CDH4: variants seen among roughly 807,000 people sequenced by gnomAD.
CDH4 encodes cadherin 4, also known as cadherin-4.
CDH4 carries 33 observed loss-of-function variants against 86.0 expected under a neutral mutation model. That is an observed-to-expected ratio of 0.38 (90% CI 0.29 to 0.51). The LOEUF (loss-of-function observed/expected upper bound fraction) is 0.51, where lower values mean the gene tolerates loss of function less well. Among genes scored for constraint, CDH4 ranks in the 20% least tolerant of loss-of-function variants. The pLI, the probability that CDH4 is intolerant of heterozygous loss-of-function variation, is 0.86. For missense variants in CDH4, 1,114 were observed against 1,307.4 expected (o/e 0.85, Z 2.28); for synonymous variants, 555 against 549.4 (o/e 1.01, Z -0.14).
rs373101937 is a variant in CDH4, at chr20:61,929,772, C to T, written c.2169C>T (p.Gly723=). The change falls in exon 13 of 16, where the codon GGC becomes GGT. Residue 723 remains glycine, a synonymous_variant. Transcript: ENST00000614565. ...CDDNGDCTTI[G]AVAAAGLGTG... ...ACAACGGGGACTGCACCACCATTGG[C>T]GCAGTGGCAGCGGCTGGTCTGGGCA... 63 of 1,614,004 alleles carry T rather than the reference C, an allele frequency of 3.9e-5. No individual in the cohort carries two copies. In the Admixed American group the frequency reaches 7.0e-4, roughly 18 times the overall value.
At chr20:61,607,495 G>A (rs2427179) in intron 2 of CDH4, among the ~76,000 whole-genome samples, 41,309 of 152,052 alleles carry the variant, frequency 0.27, 5,961 homozygotes, top group African/African-American at 0.36. Context: ...ACACATTAGT[G>A]CAGAAAGAGG....
intron 2 of CDH4, among the ~76,000 whole-genome samples, chr20:61,564,894 C>T (rs2086252807): frequency 6.6e-6 from 1 of 152,188 alleles, no homozygotes; most frequent in Non-Finnish European, 1.5e-5. Flanking sequence ...TGTAAATCCA[C>T]AGCATTCACT....
intron 2 of CDH4, among the ~76,000 whole-genome samples, chr20:61,547,731 T>A (rs1180978109): frequency 6.6e-6 from 1 of 152,232 alleles, no homozygotes; most frequent in African/African-American, 2.4e-5. Context: ...TTTTCCCACC[T>A]GAGGCTGCCT....
intron 5 of CDH4, among the ~76,000 whole-genome samples, chr20:61,850,672 C>T (rs200640875): frequency 2.0e-5 from 3 of 152,248 alleles, no homozygotes; most frequent in Non-Finnish European, 4.4e-5. Context: ...GAAATGCACT[C>T]TGCGCCTGAC....
intron 2 of CDH4, among the ~76,000 whole-genome samples, chr20:61,404,490 C>T (rs774587728): frequency 2.3e-4 from 35 of 152,082 alleles, no homozygotes; most frequent in Non-Finnish European, 3.2e-4. Context: ...CACCTGGCTC[C>T]GGCCCGAGGC....
intron 2 of CDH4, among the ~76,000 whole-genome samples, chr20:61,514,471 T>G (rs2085804091): frequency 6.6e-6 from 1 of 152,170 alleles, no homozygotes; most frequent in Non-Finnish European, 1.5e-5. Context: ...CTAACTTCCT[T>G]GGGGGGCTCT....
rs577099483 is a variant in CDH4, at chr20:61,373,229, C to A, written c.169+118292C>A. 1.2e-4 allele frequency among the ~76,000 whole-genome samples: 19 copies of A among 152,136 alleles called. No individual in the cohort carries two copies. In the South Asian group the frequency reaches 3.9e-3, roughly 32 times the overall value. On this transcript the variant is annotated intron_variant, in intron 2 of 15. Transcript: ENST00000614565. ...CCGGCCCCGTAGCCTGGAACAACAC[C>A]CTGTGTCCTGTGCCCTGGGCCGTCA...
At chr20:61,561,827 A>G (rs1039326060) in intron 2 of CDH4, among the ~76,000 whole-genome samples, 2 of 152,240 alleles carry the variant, frequency 1.3e-5, no homozygotes, top group African/African-American at 4.8e-5. Flanking sequence ...AAAACAACCC[A>G]CAAAGGTTTA....
intron 2 of CDH4, among the ~76,000 whole-genome samples, chr20:61,574,022 C>T (rs956921863): frequency 1.3e-5 from 2 of 152,182 alleles, no homozygotes; most frequent in Non-Finnish European, 1.5e-5. Flanking sequence ...CCAGAAGCCC[C>T]ACGGGCCTGC....
rs538890628 is a variant in CDH4, at chr20:61,514,900, G to A, written c.170-228663G>A. ...GGCACCTGGGCGGCAGCCATGGGGT[G>A]GGGGGAAGGGCCCAGGACCTCCCTG... On this transcript the variant is annotated intron_variant, in intron 2 of 15. Transcript: ENST00000614565. 3.3e-5 allele frequency among the ~76,000 whole-genome samples: 5 copies of A among 152,296 alleles called. No individual in the cohort carries two copies. In the South Asian group the frequency reaches 8.3e-4, roughly 25 times the overall value.
At chr20:61,911,252 CTTTGATGGT>C (rs1280112368) in intron 9 of CDH4, among the ~76,000 whole-genome samples, 1 of 152,136 alleles carries the variant, frequency 6.6e-6, no homozygotes, top group Non-Finnish European at 1.5e-5. Flanking sequence ...GGTTCAATTT[CTTTGATGGT>C]TTTGGTCAGA....
intron 4 of CDH4, among the ~76,000 whole-genome samples, chr20:61,790,343 A>C (rs111064958): frequency 0.27 from 40,512 of 150,482 alleles, 5,876 homozygotes; most frequent in East Asian, 0.37. Context: ...CCATTCATCC[A>C]TTTGTCTCTT....
At position 61,383,744 on chromosome 20, in the gene CDH4, AAGATATATGC is replaced by A. The variant is rs1568823312; in HGVS notation, c.169+128809_169+128818del. Among the ~76,000 whole-genome samples the A allele has an allele frequency of 3.6e-4, 49 of 137,906 alleles. 1 individual carries two copies. The highest frequency in any genetic ancestry group is 2.2e-3 in the Admixed American group (28 of 12,938). The allele number at this position is 137,906 out of a possible 152,430, so 90.5% of individuals were successfully genotyped here. ...GATATATAAATATATGATATATATG[AAGATATATGC>A]ATATATATGAAGATATATATGCATA... On this transcript the variant is annotated intron_variant, in intron 2 of 15. Coordinates refer to ENST00000614565, the MANE Select transcript of CDH4 (RefSeq NM_001794.5).
At chr20:61,533,680 T>C (rs1442414932) in intron 2 of CDH4, among the ~76,000 whole-genome samples, 2 of 152,240 alleles carry the variant, frequency 1.3e-5, no homozygotes, top group Non-Finnish European at 2.9e-5. Flanking sequence ...GCTTCATGGT[T>C]GCACAGGTGC....
In CDH4 at chr20:61,810,981, G is replaced by A. The variant is rs1462999152; in HGVS notation, c.577-33687G>A. ...TGCAAATGATGCTGCATTTGTAACG[G>A]GAGCTAGAAAGGAATCAGTCAAACG... is the stretch of plus-strand genomic sequence containing the variant. On this transcript the variant is annotated intron_variant, in intron 4 of 15. Transcript: ENST00000614565. This position sits in a 1 kb window ranked among gnomAD's most constrained non-coding sequence, Gnocchi z 4.3. 6.6e-6 allele frequency among the ~76,000 whole-genome samples: 1 copy of A among 152,210 alleles called. No homozygotes were observed. Among genetic ancestry groups the A allele is most frequent in the South Asian group, 2.1e-4 (1 of 4,832 alleles).
At chr20:61,486,065 A>G (rs2085594835) in intron 2 of CDH4, among the ~76,000 whole-genome samples, 1 of 152,224 alleles carries the variant, frequency 6.6e-6, no homozygotes, top group Non-Finnish European at 1.5e-5. Flanking sequence ...ATTGGCCCGC[A>G]TAGGTGAGCC....
chr20:61,686,975 G>A (rs1470394496), intron 2 of CDH4, among the ~76,000 whole-genome samples: 1 of 141,772 alleles, frequency 7.1e-6, no homozygotes, highest in Non-Finnish European at 1.5e-5. Context: ...CCCCCGACTA[G>A]CAAGGTGTTT....
intron 2 of CDH4, among the ~76,000 whole-genome samples, chr20:61,585,664 AT>A (rs1568698344): frequency 1.4e-5 from 2 of 147,914 alleles, no homozygotes; most frequent in African/African-American, 5.0e-5. Flanking sequence ...GGTGATGGTG[AT>A]TGTGATGGTG....
intron 7 of CDH4, among the ~76,000 whole-genome samples, chr20:61,885,904 T>A (rs916879391): frequency 1.3e-5 from 2 of 151,990 alleles, no homozygotes; most frequent in African/African-American, 4.8e-5. Context: ...GGAAGGCCCT[T>A]GGGGAGTGTG....
Sources: allele counts gnomAD v4.1 joint callset (sites outside exome capture counted in the v4.1 genomes callset), GRCh38; gene constraint gnomAD v4.1.1; non-coding constraint Gnocchi (gnomAD v3.1); transcripts MANE v1.5; gene names NCBI Gene and HGNC (gene_info 2026-07-23, HGNC 2026-07-21).